PTPRD: variants seen among roughly 807,000 people sequenced by gnomAD.
PTPRD encodes the protein receptor-type tyrosine-protein phosphatase delta.
In PTPRD, 34 loss-of-function variants were observed where a neutral mutation model predicts 214.5. That is an observed-to-expected ratio of 0.16 (90% CI 0.12 to 0.21). PTPRD has a LOEUF of 0.21. PTPRD is among the 10% of genes least tolerant of loss of function. The pLI is 1.00. For synonymous variants in PTPRD, 1,128 were observed against 845.7 expected (o/e 1.33, Z -5.79); for missense variants, 2,545 against 2,398.7 (o/e 1.06, Z -1.27).
intron 43 of PTPRD, among the ~76,000 whole-genome samples, chr9:8,336,139 C>T (rs1846421224): frequency 6.7e-6 from 1 of 148,724 alleles, no homozygotes; most frequent in Non-Finnish European, 1.5e-5. Context: ...AAAAAAGAGC[C>T]CACAAAGCCA....
chr9:9,823,862 C>A (rs1488216444), intron 5 of PTPRD, among the ~76,000 whole-genome samples: 3 of 151,818 alleles, frequency 2.0e-5, no homozygotes, highest in Admixed American at 2.0e-4. Context: ...ATTAGAGGAG[C>A]AAATCTGAAA....
intron 3 of PTPRD, among the ~76,000 whole-genome samples, chr9:10,239,291 T>A (rs1021938396): frequency 2.6e-5 from 4 of 151,936 alleles, no homozygotes; most frequent in African/African-American, 9.7e-5. Context: ...ACTAAAATGG[T>A]ATAATAAATG....
intron 14 of PTPRD, among the ~76,000 whole-genome samples, chr9:8,557,244 C>T (rs778039681): frequency 9.2e-5 from 14 of 151,830 alleles, no homozygotes; most frequent in Non-Finnish European, 1.2e-4. Flanking sequence ...GTCTTGACAA[C>T]GGTCATTACT....
At chr9:10,593,231 C>T (rs10959185) in intron 2 of PTPRD, among the ~76,000 whole-genome samples, 3 of 151,784 alleles carry the variant, frequency 2.0e-5, no homozygotes, top group African/African-American at 4.8e-5. Context: ...TAAATAATGG[C>T]GATAATTCAA....
chr9:9,572,390 T>C (rs1022471751), intron 8 of PTPRD, among the ~76,000 whole-genome samples: 10 of 151,334 alleles, frequency 6.6e-5, no homozygotes, highest in African/African-American at 2.4e-4. Flanking sequence ...GGATTATTAC[T>C]TCATGAGGAA....
intron 11 of PTPRD, among the ~76,000 whole-genome samples, chr9:8,776,141 T>C (rs1412720740): frequency 6.6e-6 from 1 of 152,182 alleles, no homozygotes; most frequent in Non-Finnish European, 1.5e-5. Flanking sequence ...GAAATAATTA[T>C]AGGTCCCAGG....
chr9:8,653,796 C>A (rs1236420309), intron 12 of PTPRD, among the ~76,000 whole-genome samples: 3 of 152,194 alleles, frequency 2.0e-5, no homozygotes, highest in Admixed American at 6.6e-5. Context: ...ACATCCTATT[C>A]ACTGTATACG....
At chr9:10,578,158 C>T (rs2070223462) in intron 2 of PTPRD, among the ~76,000 whole-genome samples, 2 of 152,044 alleles carry the variant, frequency 1.3e-5, no homozygotes, top group African/African-American at 2.4e-5. Context: ...GATCCACCTG[C>T]CTCGGCCTCC....
intron 5 of PTPRD, among the ~76,000 whole-genome samples, chr9:9,836,377 T>C (rs552132157): frequency 1.3e-5 from 2 of 152,258 alleles, no homozygotes; most frequent in Admixed American, 6.6e-5. Context: ...CTCTAATCTC[T>C]GATGGGACTG....
intron 10 of PTPRD, among the ~76,000 whole-genome samples, chr9:9,157,922 C>A (rs1466600980): frequency 6.6e-6 from 1 of 152,116 alleles, no homozygotes; most frequent in African/African-American, 2.4e-5. Context: ...ACTGTGTGTT[C>A]ATGTGTTCTC....
At chr9:10,290,525 A>G (rs1332559987) in intron 3 of PTPRD, among the ~76,000 whole-genome samples, 3 of 152,244 alleles carry the variant, frequency 2.0e-5, no homozygotes, top group East Asian at 3.9e-4. Context: ...TTTCCTCCAT[A>G]TGTTTAAAAA....
intron 2 of PTPRD, among the ~76,000 whole-genome samples, chr9:10,510,791 A>G (rs1355115625): frequency 6.6e-6 from 1 of 152,110 alleles, no homozygotes; most frequent in Non-Finnish European, 1.5e-5. Context: ...TTGTGCTACA[A>G]AACACTAGTT....
intron 12 of PTPRD, among the ~76,000 whole-genome samples, chr9:8,642,458 T>C (rs1191669129): frequency 6.6e-6 from 1 of 152,190 alleles, no homozygotes; most frequent in Non-Finnish European, 1.5e-5. Context: ...GGAGAGAATG[T>C]TCAGTGGGAA....
intron 6 of PTPRD, among the ~76,000 whole-genome samples, chr9:9,741,368 A>AC (rs1250992467): frequency 7.0e-6 from 1 of 142,460 alleles, no homozygotes; most frequent in East Asian, 1.9e-4. Flanking sequence ...AATTTTTTTT[A>AC]CAAGGAGTAG....
intron 5 of PTPRD, among the ~76,000 whole-genome samples, chr9:9,893,315 T>C (rs1601218664): frequency 6.6e-6 from 1 of 151,976 alleles, no homozygotes; most frequent in East Asian, 1.9e-4. Context: ...ATGCTCCCAA[T>C]TAAAAGACAC....
At chr9:9,421,606 A>C (rs1569568179) in intron 8 of PTPRD, among the ~76,000 whole-genome samples, 1 of 152,198 alleles carries the variant, frequency 6.6e-6, no homozygotes, top group Admixed American at 6.6e-5. Context: ...TTAGCAATAC[A>C]CCACTTGGGA....
intron 11 of PTPRD, among the ~76,000 whole-genome samples, chr9:8,965,543 A>G (rs1567282533): frequency 6.6e-6 from 1 of 152,150 alleles, no homozygotes; most frequent in South Asian, 2.1e-4. Context: ...TATTTAGGAT[A>G]GTTAAGTCTT....
chr9:9,359,570 A>G (rs1439366449), intron 9 of PTPRD, among the ~76,000 whole-genome samples: 2 of 151,392 alleles, frequency 1.3e-5, no homozygotes, highest in South Asian at 2.1e-4. Flanking sequence ...ACCCCTCCCA[A>G]TTAAACTGAA....
At chr9:9,501,091 C>T (rs1416287943) in intron 8 of PTPRD, among the ~76,000 whole-genome samples, 1 of 151,344 alleles carries the variant, frequency 6.6e-6, no homozygotes, top group Non-Finnish European at 1.5e-5. Context: ...AAAAACAAGG[C>T]AATAAATAAT....
Sources: allele counts gnomAD v4.1 joint callset (sites outside exome capture counted in the v4.1 genomes callset), GRCh38; gene constraint gnomAD v4.1.1; transcripts MANE v1.5; gene names NCBI Gene and HGNC (gene_info 2026-07-23, HGNC 2026-07-21).